The following MPP7 variants were observed in gnomAD, a reference collection of about 807,000 sequenced individuals.
The protein encoded by MPP7 is MAGUK p55 scaffold protein 7.
MPP7 carries 60 observed loss-of-function variants against 76.5 expected under a neutral mutation model. That is an observed-to-expected ratio of 0.78 (90% confidence interval 0.64 to 0.97). The LOEUF (loss-of-function observed/expected upper bound fraction) is 0.97, where lower values mean the gene tolerates loss of function less well. Ranked by LOEUF, MPP7 falls within the 50% of genes least tolerant of loss-of-function variation. The probability of loss-of-function intolerance (pLI) is 0.00; values close to 1 mark genes in which losing one functional copy is unlikely to be tolerated. For synonymous variants in MPP7, 237 were observed against 244.5 expected (o/e 0.97, Z 0.29); for missense variants, 641 against 694.0 (o/e 0.92, Z 0.86).
chr10:28,225,367 CA>C (rs1396375481), intron 2 of MPP7, among the ~76,000 whole-genome samples: 5 of 151,876 alleles, frequency 3.3e-5, no homozygotes, highest in Non-Finnish European at 5.9e-5. Flanking sequence ...AGGACATTAT[CA>C]AAAAAAGTGA....
At chr10:28,316,571 ATAG>A (rs903293344) in intron 2 of MPP7, among the ~76,000 whole-genome samples, 3 of 151,136 alleles carry the variant, frequency 2.0e-5, no homozygotes, top group African/African-American at 7.3e-5. Context: ...CAATATGTTT[ATAG>A]TAAGGGGAAC....
chr10:28,238,844 A>T (rs113145219), intron 1 of MPP7, 109 bp from the exon 2 acceptor site: 7 of 485,554 alleles, frequency 1.4e-5, no homozygotes, highest in African/African-American at 3.9e-5. Context: ...GAGAGATCGC[A>T]ACTCTTCAGA....
chr10:28,305,040 C>T (rs975719925), upstream of MPP7, among the ~76,000 whole-genome samples: 1 of 152,134 alleles, frequency 6.6e-6, no homozygotes. Context: ...GGATGGGAGA[C>T]ACACTTAATT....
intron 3 of MPP7, among the ~76,000 whole-genome samples, chr10:28,181,999 T>C (rs1837074116): frequency 6.6e-6 from 1 of 152,222 alleles, no homozygotes; most frequent in South Asian, 2.1e-4. Flanking sequence ...CCTTTGCTTC[T>C]GCATTTAAGA....
chr10:28,116,918 G>T (rs1834679386), intron 11 of MPP7, among the ~76,000 whole-genome samples: 7 of 152,082 alleles, frequency 4.6e-5, no homozygotes, highest in Admixed American at 4.6e-4. Context: ...AGCCTAAAGA[G>T]GTTGTTATTA....
At chr10:28,243,243 G>C (rs1355714498) in intron 1 of MPP7, among the ~76,000 whole-genome samples, 8 of 152,122 alleles carry the variant, frequency 5.3e-5, no homozygotes, top group African/African-American at 1.4e-4. Flanking sequence ...GCAAAAATCA[G>C]AATTTTAAAA....
At chr10:28,278,580 A>G (rs1219927538) in intron 1 of MPP7, among the ~76,000 whole-genome samples, 1 of 152,090 alleles carries the variant, frequency 6.6e-6, no homozygotes. Context: ...TCAAAATGAT[A>G]GATTTTTAAA....
intron 2 of MPP7, among the ~76,000 whole-genome samples, chr10:28,329,410 C>T (rs1165087625): frequency 1.3e-5 from 2 of 151,970 alleles, no homozygotes; most frequent in East Asian, 1.9e-4. Context: ...AGGCGGATCA[C>T]GAGGTCAGGA....
At chr10:28,325,915 G>T (rs1404138987) in intron 2 of MPP7, among the ~76,000 whole-genome samples, 1 of 149,382 alleles carries the variant, frequency 6.7e-6, no homozygotes, top group Non-Finnish European at 1.5e-5. Flanking sequence ...GTTCAAGGCT[G>T]CAGTGAGCTA....
chr10:28,180,330 A>G (rs919808665), intron 3 of MPP7, among the ~76,000 whole-genome samples: 3 of 152,224 alleles, frequency 2.0e-5, no homozygotes, highest in African/African-American at 7.2e-5. Flanking sequence ...AAACAGGGAC[A>G]TCTTACAAGA....
At chr10:28,180,269 A>G (rs1837018423) in intron 3 of MPP7, among the ~76,000 whole-genome samples, 1 of 152,170 alleles carries the variant, frequency 6.6e-6, no homozygotes, top group African/African-American at 2.4e-5. Flanking sequence ...AGTATCCAGG[A>G]TAGCACACTC....
intron 1 of MPP7, among the ~76,000 whole-genome samples, chr10:28,241,121 T>C (rs943065856): frequency 1.3e-5 from 2 of 152,126 alleles, no homozygotes; most frequent in Non-Finnish European, 2.9e-5. Context: ...ATACACACCA[T>C]ATAATAAGAC....
chr10:28,132,670 G>A (rs1261312930), intron 5 of MPP7, among the ~76,000 whole-genome samples: 4 of 152,054 alleles, frequency 2.6e-5, no homozygotes, highest in Non-Finnish European at 4.4e-5. Flanking sequence ...TGCAATCTTG[G>A]CTTACCGCAA....
chr10:28,265,825 G>A (rs922264525), intron 1 of MPP7, among the ~76,000 whole-genome samples: 1 of 152,088 alleles, frequency 6.6e-6, no homozygotes, highest in Non-Finnish European at 1.5e-5. Context: ...ATGGGTTTTA[G>A]GATTATCCAG....
At chr10:28,232,391 A>ACACACACACACAC (rs1838918150) in intron 2 of MPP7, among the ~76,000 whole-genome samples, 2 of 150,998 alleles carry the variant, frequency 1.3e-5, no homozygotes, top group African/African-American at 4.9e-5. Context: ...ACACACACAC[A>ACACACACACACAC]AATTGATTGG....
In MPP7 at chr10:28,120,215, G is replaced by T; in HGVS notation, c.866C>A (p.Pro289His). Residue 289 changes from proline (P) to histidine (H), a missense_variant, in exon 10 of 17, where the codon CCC (proline) becomes CAC (histidine). Physicochemically the swap from Pro to His is moderately conservative, Grantham distance 77. Transcript: ENST00000683449. Reference protein sequence around the residue: ...ADANPRAGLIPSKHFQERRLA... With the variant: ...ADANPRAGLIHSKHFQERRLA... ...TCACCTTTCCTGGAAATGCTTTGAG[G>T]GGATCAAGCCTGCCCTGGGGTTGGC... 1 of 1,613,762 alleles carries T rather than the reference G, an allele frequency of 6.2e-7. No homozygotes were observed.
chr10:28,323,838 A>G (rs750969928), intron 2 of MPP7, among the ~76,000 whole-genome samples: 4 of 152,144 alleles, frequency 2.6e-5, no homozygotes, highest in Admixed American at 6.5e-5. Flanking sequence ...ATAATACGCC[A>G]CCTCTTCAAG....
intron 1 of MPP7, among the ~76,000 whole-genome samples, chr10:28,297,677 C>A (rs1841065262): frequency 6.6e-6 from 1 of 152,168 alleles, no homozygotes; most frequent in Non-Finnish European, 1.5e-5. Flanking sequence ...CCAGCCTGGG[C>A]AACAGAGCGA....
At position 28,149,963 on chromosome 10, in the gene MPP7, C is replaced by T; in HGVS notation, c.234+19G>A. 6.2e-7 allele frequency: 1 copy of T among 1,606,150 alleles called. No homozygotes were observed. Among genetic ancestry groups the T allele is most frequent in the Non-Finnish European group, 8.5e-7 (1 of 1,174,456 alleles). On this transcript the variant is annotated intron_variant, in intron 4 of 16. Transcript: ENST00000683449. ...TCTGCAGCAGACACATCCCAGTGAG[C>T]TCGGAGAGTCACACTTACATCATCG... is the stretch of plus-strand genomic sequence containing the variant.
Sources: allele counts gnomAD v4.1 joint callset (sites outside exome capture counted in the v4.1 genomes callset), GRCh38; gene constraint gnomAD v4.1.1; transcripts MANE v1.5; gene names NCBI Gene and HGNC (gene_info 2026-07-23, HGNC 2026-07-21).